Variants in MSH3 observed in about 807,000 individuals in gnomAD.
MSH3 encodes DNA mismatch repair protein Msh3.
Under a neutral mutation model 123.3 loss-of-function variants are expected in MSH3, and 106 were observed. The ratio of observed to expected loss-of-function variants is 0.86; its 90% confidence interval spans 0.73 to 1.01. The LOEUF (loss-of-function observed/expected upper bound fraction) is 1.01. Among genes scored for constraint, MSH3 ranks in the 50% least tolerant of loss-of-function variants. The pLI is 0.00. For synonymous variants in MSH3, 515 were observed against 481.4 expected (o/e 1.07, Z -0.91); for missense variants, 1,459 against 1,347.6 (o/e 1.08, Z -1.29).
At chr5:80,837,664 A>G (rs1008761975) in intron 20 of MSH3, among the ~76,000 whole-genome samples, 16 of 152,346 alleles carry the variant, frequency 1.1e-4, no homozygotes, top group Admixed American at 4.6e-4. Context: ...TCTCATTTTC[A>G]TATTTATAGA....
At chr5:80,777,548 T>C (rs1160192722) in intron 16 of MSH3, among the ~76,000 whole-genome samples, 1 of 152,230 alleles carries the variant, frequency 6.6e-6, no homozygotes. Context: ...CTAGATGATA[T>C]AATTTTAAAG....
intron 12 of MSH3, among the ~76,000 whole-genome samples, chr5:80,760,271 A>T (rs1023762625): frequency 3.3e-5 from 5 of 152,156 alleles, no homozygotes; most frequent in African/African-American, 1.2e-4. Flanking sequence ...CTCACCAGAC[A>T]TGTTTACTTA....
rs764482775 is a variant in MSH3 at position 80,787,594 on chromosome 5, G to C, written c.2465G>C (p.Cys822Ser). The C allele has an allele frequency of 6.2e-7, 1 of 1,613,736 alleles. No individual in the cohort carries two copies. The highest frequency in any genetic ancestry group is 1.1e-5 in the South Asian group (1 of 91,080). Reference sequence around the variant, plus strand: ...TTCAGTGAACATTATCACTCCTTGTGTAAAGCAGTGCATCACCTAGCAACT... The same window carrying C: ...TTCAGTGAACATTATCACTCCTTGTCTAAAGCAGTGCATCACCTAGCAACT... Reference protein sequence around the residue: ...EKFSEHYHSLCKAVHHLATVD... With the variant: ...EKFSEHYHSLSKAVHHLATVD... Residue 822 changes from cysteine to serine, a missense_variant, in exon 18 of 24, where the codon TGT becomes TCT. Physicochemically the swap from Cys to Ser is moderately radical, Grantham distance 112 (BLOSUM62 -1). Coordinates refer to ENST00000265081, the MANE Select transcript of MSH3 (RefSeq NM_002439.5).
rs151143920 is a variant in MSH3 at position 80,739,916 on chromosome 5, A to G, written c.1569-1548A>G. Among the ~76,000 whole-genome samples, 451 of 152,242 alleles carry G rather than the reference A, an allele frequency of 3.0e-3. 6 individuals are homozygous for G. Among genetic ancestry groups the G allele is most frequent in the East Asian group, 0.016 (82 of 5,180 alleles). On this transcript the variant is annotated intron_variant, in intron 10 of 23. Transcript: ENST00000265081. ...GTTCTGGGTGAGGGCTTGTTTTCTT[A>G]ACTCGGGAAACTGGATGTTACCTAA...
At chr5:80,784,245 AT>A (rs1381778163) in intron 17 of MSH3, among the ~76,000 whole-genome samples, 3,070 of 132,594 alleles carry the variant, frequency 0.023, 419 homozygotes, top group African/African-American at 0.069. Flanking sequence ...AAAAAGGGAA[AT>A]AAATAAATAA....
chr5:80,767,404 C>T (rs1415435531), intron 13 of MSH3, among the ~76,000 whole-genome samples: 5 of 152,010 alleles, frequency 3.3e-5, no homozygotes, highest in African/African-American at 1.2e-4. Flanking sequence ...AAATCTTTGG[C>T]GTTCCGATAA....
At chr5:80,796,609 T>C (rs568667176) in intron 19 of MSH3, among the ~76,000 whole-genome samples, 1 of 152,282 alleles carries the variant, frequency 6.6e-6, no homozygotes, top group East Asian at 1.9e-4. Context: ...AATGACATTG[T>C]TGTTTTTGAT....
chr5:80,787,456 A>G lies in MSH3; in HGVS notation c.2436-109A>G, dbSNP rs894367812. 3.8e-6 allele frequency: 3 copies of G among 783,844 alleles called. No individual in the cohort carries two copies. In the African/African-American group the frequency reaches 5.1e-5, roughly 13 times the overall value. The allele number at this position is 783,844 out of a possible 1,614,324, so 48.6% of individuals were successfully genotyped here. A position where few individuals can be genotyped will look rare whatever the true frequency, so the allele number is the denominator to read the frequency against. On this transcript the variant is annotated intron_variant, in intron 17 of 23. Transcript: ENST00000265081. ...TCTTAACTGTTAGGAATGCCTGCTG[A>G]TCATCTGTATGCTTACACTAGCTGA...
At chr5:80,769,689 G>A (rs1744184867) in intron 15 of MSH3, among the ~76,000 whole-genome samples, 1 of 152,040 alleles carries the variant, frequency 6.6e-6, no homozygotes, top group Admixed American at 6.6e-5. Flanking sequence ...GAGGGAGTTT[G>A]AGAAATTCTG....
At position 80,737,745 on chromosome 5, in the gene MSH3, C is replaced by T. The variant is rs1415239484; in HGVS notation, c.1569-3719C>T. 2.0e-5 allele frequency among the ~76,000 whole-genome samples: 3 copies of T among 152,194 alleles called. No individual in the cohort carries two copies. The East Asian group carries it at 5.8e-4, about 29-fold the overall frequency. ...GCATTTCTATTGGGAAGGAAGACTC[C>T]AACTCCAGAATACGTATAAATTTAT... On this transcript the variant is annotated intron_variant, in intron 10 of 23. Transcript: ENST00000265081.
intron 20 of MSH3, among the ~76,000 whole-genome samples, chr5:80,823,900 T>C (rs1745243664): frequency 6.6e-6 from 1 of 151,628 alleles, no homozygotes; most frequent in African/African-American, 2.4e-5. Context: ...TAATGACTCT[T>C]AATGAGCATG....
intron 23 of MSH3, 134 bp from the exon 24 acceptor site, chr5:80,875,617 G>A (rs1298154217): frequency 1.8e-5 from 11 of 624,518 alleles, no homozygotes; most frequent in African/African-American, 1.8e-5. Flanking sequence ...CTGGAAGGGT[G>A]ACACTGACAC....
chr5:80,865,003 TG>T (rs1746076272), intron 22 of MSH3, 61 bp downstream of exon 22: 1 of 1,508,270 alleles, frequency 6.6e-7, no homozygotes, highest in East Asian at 2.3e-5. Flanking sequence ...ACTCAAAGTT[TG>T]TTGGAACATG....
At chr5:80,771,676 A>T (rs13187821) in intron 15 of MSH3, among the ~76,000 whole-genome samples, 1 of 152,080 alleles carries the variant, frequency 6.6e-6, no homozygotes, top group East Asian at 1.9e-4. Flanking sequence ...TTTTGTAATA[A>T]CCTTAAAAGA....
At position 80,658,306 on chromosome 5, in the gene MSH3, G is replaced by T. The variant is rs377730227; in HGVS notation, c.358+1775G>T. Among the ~76,000 whole-genome samples the T allele has an allele frequency of 5.9e-5, 9 of 152,196 alleles. No individual in the cohort carries two copies. The East Asian group carries it at 9.7e-4, about 16-fold the overall frequency. Reference sequence around the variant, plus strand: ...ACTCCTGGCCTCAAGTGATCTGCCCGCCTTGGCCTCCCAAAGTGCTGGGAT... The same window carrying T: ...ACTCCTGGCCTCAAGTGATCTGCCCTCCTTGGCCTCCCAAAGTGCTGGGAT... On this transcript the variant is annotated intron_variant, in intron 2 of 23. Transcript: ENST00000265081.
intron 22 of MSH3, among the ~76,000 whole-genome samples, chr5:80,865,432 A>C (rs2112119180): frequency 6.6e-6 from 1 of 152,284 alleles, no homozygotes; most frequent in East Asian, 1.9e-4. Flanking sequence ...AAGTGGTTTG[A>C]CCATGTCAAC....
chr5:80,698,990 G>A (rs1479545017), intron 8 of MSH3, among the ~76,000 whole-genome samples: 1 of 152,050 alleles, frequency 6.6e-6, no homozygotes, highest in Non-Finnish European at 1.5e-5. Context: ...AGAGAATCAA[G>A]AGTGAAACGG....
chr5:80,840,487 C>T (rs1445425493), intron 20 of MSH3, among the ~76,000 whole-genome samples: 1 of 151,922 alleles, frequency 6.6e-6, no homozygotes, highest in Non-Finnish European at 1.5e-5. Flanking sequence ...AATCTCAGCT[C>T]ACTGCAAACT....
chr5:80,853,985 TTTTG>T, intron 20 of MSH3, 141 bp from the exon 21 acceptor site: 3 of 683,664 alleles, frequency 4.4e-6, no homozygotes, highest in South Asian at 3.8e-5. Flanking sequence ...ACATGTTTTC[TTTTG>T]TTTAATTTAA....
Sources: allele counts gnomAD v4.1 joint callset (sites outside exome capture counted in the v4.1 genomes callset), GRCh38; gene constraint gnomAD v4.1.1; transcripts MANE v1.5; gene names NCBI Gene and HGNC (gene_info 2026-07-23, HGNC 2026-07-21).